TMEM165: variants seen among roughly 807,000 people sequenced by gnomAD.
TMEM165 encodes the protein transmembrane protein 165, also known as putative divalent cation/proton antiporter TMEM165.
TMEM165 carries 19 observed loss-of-function variants against 30.0 expected under a neutral mutation model. The ratio of observed to expected loss-of-function variants is 0.63; its 90% CI spans 0.44 to 0.93. The LOEUF is 0.93. Ranked by LOEUF, TMEM165 falls within the 40% of genes least tolerant of loss-of-function variation. The probability of loss-of-function intolerance (pLI) is 0.00; values close to 1 mark genes in which losing one functional copy is unlikely to be tolerated. For synonymous variants in TMEM165, 168 were observed against 162.9 expected, an observed-to-expected ratio of 1.03 and a Z score of -0.24; for missense variants, 340 against 417.0, an observed-to-expected ratio of 0.82 and a Z score of 1.61.
chr4:55,400,771 C>A (rs1348098282), intron 1 of TMEM165, among the ~76,000 whole-genome samples: 1 of 150,498 alleles, frequency 6.6e-6, no homozygotes, highest in East Asian at 1.9e-4. Flanking sequence ...TGATACTACT[C>A]AAGTATTTTT....
Position 55,417,176 on chromosome 4 carries a change from A to G in TMEM165, c.538A>G (p.Lys180Glu). 6.2e-7 allele frequency: 1 copy of G among 1,614,140 alleles called. No homozygotes were observed. The highest frequency in any genetic ancestry group is 8.5e-7 in the Non-Finnish European group (1 of 1,180,020). Residue 180 changes from lysine (K) to glutamate (E), a missense_variant, in exon 3 of 6, where the codon AAG (lysine) becomes GAG (glutamate). By Grantham distance (56) the Lys-to-Glu change is moderately conservative. Transcript: ENST00000381334. ...CATTAGAATGCTTCGGGAAGGCTTAAAGATGAGCCCTGATGAGGGTCAAGA... is the reference window on the plus strand; with the variant it reads ...CATTAGAATGCTTCGGGAAGGCTTAGAGATGAGCCCTGATGAGGGTCAAGA... ...FGIRMLREGL[K>E]MSPDEGQEEL... is the part of the protein sequence containing the mutation.
At chr4:55,435,315 T>C in intron 3 of TMEM165, 2 of 1,416,986 alleles carry the variant, frequency 1.4e-6, no homozygotes, top group Non-Finnish European at 2.0e-6. Flanking sequence ...CTGCATCTCA[T>C]GAAACTGCTG....
rs543651862 is a variant in TMEM165, at chr4:55,453,369, A to G, written c.*1063A>G. 4.7e-4 allele frequency: 235 copies of G among 495,970 alleles called. 4 individuals are homozygous for G. In the Middle Eastern group the frequency reaches 0.013, roughly 27 times the overall value. 30.7% of individuals were successfully genotyped at this position (495,970 alleles called of 1,614,324 possible). ...ACCACACAATACTTAAATTAAGAAA[A>G]ATAAATAAAGGAAGTGTATGCTTAT... On this transcript the variant is annotated 3_prime_UTR_variant, in exon 4 of 4. Coordinates refer to the TMEM165 transcript ENST00000608091.
downstream of TMEM165, among the ~76,000 whole-genome samples, chr4:55,427,638 C>A (rs571222974): frequency 6.6e-6 from 1 of 152,150 alleles, no homozygotes; most frequent in African/African-American, 2.4e-5. Flanking sequence ...AGCCACCGCA[C>A]CCAACCGTTT....
At chr4:55,444,916 A>AC in intron 3 of TMEM165, 1 of 926,502 alleles carries the variant, frequency 1.1e-6, no homozygotes, top group Non-Finnish European at 1.7e-6. Context: ...TATGTCCCTT[A>AC]GTTTCTAATC....
chr4:55,425,425 A>G lies in TMEM165; in HGVS notation c.948A>G (p.Leu316=), dbSNP rs1227261557. The change falls in exon 6 of 6, where the codon CTA becomes CTG. Residue 316 remains leucine, a synonymous_variant. Transcript: ENST00000381334. ...TTTTGGCGTTTGCATTTTCTGCACT[A>G]TTTATAAGCCCTGATTCTGGTTTTT... The part of the protein sequence containing the change: ...IVFLAFAFSA[L]FISPDSGF 1.2e-6 allele frequency: 2 copies of G among 1,611,874 alleles called. No homozygotes were observed. Among genetic ancestry groups the G allele is most frequent in the Non-Finnish European group, 1.7e-6 (2 of 1,179,470 alleles).
chr4:55,421,573 C>T (rs564174304), intron 4 of TMEM165, among the ~76,000 whole-genome samples: 40 of 152,238 alleles, frequency 2.6e-4, no homozygotes, highest in African/African-American at 8.4e-4. Context: ...GCTGAGATTA[C>T]GCCCGGCCTA....
downstream of TMEM165, chr4:55,430,706 C>T (rs1722439992): frequency 6.6e-6 from 1 of 152,120 alleles, no homozygotes; most frequent in South Asian, 2.1e-4. Flanking sequence ...CAGAATAATT[C>T]TTGAAATTAT....
At chr4:55,427,255 C>A (rs1041912301), downstream of TMEM165, among the ~76,000 whole-genome samples, 8 of 151,384 alleles carry the variant, frequency 5.3e-5, no homozygotes, top group African/African-American at 1.9e-4. Flanking sequence ...CCAGGCTGGT[C>A]TCGAACTCCT....
At chr4:55,452,636 C>A in exon 4 of TMEM165, 1 of 182,670 alleles carries the variant, frequency 5.5e-6, no homozygotes, top group Non-Finnish European at 1.2e-5. Flanking sequence ...AAAAAGAAAC[C>A]AGAGTTCCAA....
At chr4:55,426,772 T>C (rs1006227932), downstream of TMEM165, among the ~76,000 whole-genome samples, 1 of 152,240 alleles carries the variant, frequency 6.6e-6, no homozygotes, top group South Asian at 2.1e-4. Flanking sequence ...CACTGTAGGA[T>C]GCAGCAATTG....
At chr4:55,449,002 T>TAAC in intron 3 of TMEM165, 3 of 729,484 alleles carry the variant, frequency 4.1e-6, no homozygotes, top group Non-Finnish European at 2.3e-6. Context: ...TGAATACAGC[T>TAAC]ATGTCTTCTC....
At chr4:55,449,576 T>C in intron 3 of TMEM165, 1 of 1,207,642 alleles carries the variant, frequency 8.3e-7, no homozygotes, top group Non-Finnish European at 1.2e-6. Flanking sequence ...TGTATTTCAG[T>C]TAATAAAAAT....
At chr4:55,453,204 GTGT>G in exon 4 of TMEM165, 1 of 1,141,628 alleles carries the variant, frequency 8.8e-7, no homozygotes, top group Non-Finnish European at 1.3e-6. Context: ...TAACTATTCA[GTGT>G]TGTTACGTGT....
At chr4:55,412,393 CAAAAAAA>C (rs371124857) in intron 2 of TMEM165, among the ~76,000 whole-genome samples, 5 of 54,366 alleles carry the variant, frequency 9.2e-5, no homozygotes, top group East Asian at 1.3e-3. Flanking sequence ...GACTCCATCT[CAAAAAAA>C]AAAAAAAAAA....
intron 1 of TMEM165, among the ~76,000 whole-genome samples, chr4:55,407,875 T>C (rs930141248): frequency 2.0e-5 from 3 of 152,218 alleles, no homozygotes; most frequent in African/African-American, 7.2e-5. Context: ...CATTTAATCC[T>C]CACAGCAACC....
chr4:55,446,883 T>C (rs183600752), intron 3 of TMEM165, among the ~76,000 whole-genome samples: 45 of 152,272 alleles, frequency 3.0e-4, no homozygotes, highest in Admixed American at 1.2e-3. Flanking sequence ...ATCCAAAGCT[T>C]TTTAACTCTA....
At chr4:55,437,773 C>A (rs988384873) in intron 3 of TMEM165, among the ~76,000 whole-genome samples, 2 of 152,168 alleles carry the variant, frequency 1.3e-5, no homozygotes, top group African/African-American at 2.4e-5. Context: ...AGCCCAAGTT[C>A]TTAGCTATAC....
intron 1 of TMEM165, among the ~76,000 whole-genome samples, chr4:55,402,406 T>C (rs1185783335): frequency 1.4e-4 from 5 of 35,134 alleles, no homozygotes; most frequent in Non-Finnish European, 2.3e-4. Flanking sequence ...TGTGTGTGTA[T>C]ATATATATAT....
Sources: allele counts gnomAD v4.1 joint callset (sites outside exome capture counted in the v4.1 genomes callset), GRCh38; gene constraint gnomAD v4.1.1; transcripts MANE v1.5; gene names NCBI Gene and HGNC (gene_info 2026-07-23, HGNC 2026-07-21).